Variants in IFITM3 observed in about 807,000 individuals in gnomAD.
IFITM3 encodes interferon-induced transmembrane protein 3.
A neutral mutation model predicts 5.2 loss-of-function variants in IFITM3; 5 were observed. The observed-to-expected ratio is 0.96, with a 90% CI of 0.50 to 2.03. IFITM3 has a LOEUF of 2.03. IFITM3 is among the 30% of genes most tolerant of loss of function. IFITM3 has a pLI of 0.01. For synonymous variants in IFITM3, 81 were observed against 77.6 expected (o/e 1.04, Z -0.23); for missense variants, 156 against 177.3 (o/e 0.88, Z 0.68).
chr11:320,511 G>T, intron 1 of IFITM3, 54 bp downstream of exon 1: 1 of 1,601,586 alleles, frequency 6.2e-7, no homozygotes. Flanking sequence ...ATGTGGGCAG[G>T]TGGAGCTCCA....
chr11:320,620 G>A lies in IFITM3; in HGVS notation c.194C>T (p.Thr65Ile). 6.2e-7 allele frequency: 1 copy of A among 1,613,922 alleles called. No individual in the cohort carries two copies. The highest frequency in any genetic ancestry group is 8.5e-7 in the Non-Finnish European group (1 of 1,179,864). The change falls in exon 1 of 2, where the codon ACC (threonine) becomes ATC (isoleucine). Residue 65 changes from threonine to isoleucine, a missense_variant. By Grantham distance (89) the Thr-to-Ile change is moderately conservative (BLOSUM62 -1). Transcript: ENST00000399808. ...CAGGCAGCAGGGGTTCATGAAGAGG[G>A]TGTTGAACAGGGACCAGACGACATG... is the stretch of plus-strand genomic sequence containing the variant. Reference protein sequence around the residue: ...PDHVVWSLFNTLFMNPCCLGF... With the variant: ...PDHVVWSLFNILFMNPCCLGF...
chr11:319,812 T>C lies in IFITM3; in HGVS notation c.*26A>G. ...GTGGGATACAGGTCATGGGCAGAGCTCCTGGCCTCAGTGATGCCTCCTGAT... is the reference window on the plus strand; with the variant it reads ...GTGGGATACAGGTCATGGGCAGAGCCCCTGGCCTCAGTGATGCCTCCTGAT... On this transcript the variant is annotated 3_prime_UTR_variant, in exon 2 of 2. Transcript: ENST00000399808. The C allele has an allele frequency of 6.2e-7, 1 of 1,613,954 alleles. No homozygotes were observed. The highest frequency in any genetic ancestry group is 8.5e-7 in the Non-Finnish European group (1 of 1,179,900).
At position 319,687 on chromosome 11, in the gene IFITM3, G is replaced by A. The variant is rs754797894; in HGVS notation, c.*151C>T. 21 of 1,031,248 alleles carry A rather than the reference G, an allele frequency of 2.0e-5. No homozygotes were observed. Among genetic ancestry groups the A allele is most frequent in the Non-Finnish European group, 2.8e-5 (19 of 676,366 alleles). The allele number at this position is 1,031,248 out of a possible 1,614,324, so 63.9% of individuals were successfully genotyped here. On this transcript the variant is annotated 3_prime_UTR_variant, in exon 2 of 2. Transcript: ENST00000399808. ...GAAGTCGCAGCAGCACCAGAAACAC[G>A]TGCACTTTATTGAATGCCATTGTAG...
rs2119492836 is a variant in IFITM3 at position 320,700 on chromosome 11, A to G, written c.114T>C (p.Pro38=). 6.2e-7 allele frequency: 1 copy of G among 1,613,834 alleles called. No individual in the cohort carries two copies. The highest frequency in any genetic ancestry group is 8.5e-7 in the Non-Finnish European group (1 of 1,179,852). ...GGATCACGGTGGACGTCGGGGGAGC[A>G]GGGTTGTGGGGCGCCCCCAGCACAG... ...EVAVLGAPHN[P]APPTSTVIHI... The change falls in exon 1 of 2, where the codon CCT becomes CCC. Residue 38 remains proline (P), a synonymous_variant. Transcript: ENST00000399808.
At position 320,574 on chromosome 11, in the gene IFITM3, G is replaced by A. The variant is rs1846089203; in HGVS notation, c.240C>T (p.Tyr80=). The A allele has an allele frequency of 6.2e-7, 1 of 1,613,774 alleles. No individual in the cohort carries two copies. Among genetic ancestry groups the A allele is most frequent in the African/African-American group, 1.3e-5 (1 of 74,932 alleles). ...PCCLGFIAFA[Y]SVKSRDRKMV... ...CTGGGGCCATACGCACCTTCACGGA[G>A]TAGGCGAATGCTATGAAGCCCAGGC... Residue 80 remains tyrosine, a synonymous_variant, in exon 1 of 2, where the codon TAC becomes TAT. Coordinates refer to ENST00000399808, the MANE Select transcript of IFITM3 (RefSeq NM_021034.3).
chr11:319,787 G>A lies in IFITM3; in HGVS notation c.*51C>T, dbSNP rs781601561. The A allele has an allele frequency of 1.1e-5, 17 of 1,612,280 alleles. No individual in the cohort carries two copies. Among genetic ancestry groups the A allele is most frequent in the Middle Eastern group, 1.6e-4 (1 of 6,082 alleles). On this transcript the variant is annotated 3_prime_UTR_variant, in exon 2 of 2. Coordinates refer to ENST00000399808, the MANE Select transcript of IFITM3 (RefSeq NM_021034.3). ...GGGCGAGGAATGGAAGTTGGAGTAC[G>A]TGGGATACAGGTCATGGGCAGAGCT... is the stretch of plus-strand genomic sequence containing the variant.
Position 319,847 on chromosome 11 carries a change from G to T in IFITM3, c.393C>A (p.Ala131=). The part of the protein sequence containing the change: ...LIVIPVLIFQ[A]YG ...AGTGATGCCTCCTGATCTATCCATAGGCCTGGAAGATCAGCACTGGGATGA... is the reference window on the plus strand; with the variant it reads ...AGTGATGCCTCCTGATCTATCCATATGCCTGGAAGATCAGCACTGGGATGA... The change falls in exon 2 of 2, where the codon GCC becomes GCA. Residue 131 remains alanine (A), a synonymous_variant. Coordinates refer to ENST00000399808, the MANE Select transcript of IFITM3 (RefSeq NM_021034.3). 6.2e-7 allele frequency: 1 copy of T among 1,614,190 alleles called. No individual in the cohort carries two copies. Among genetic ancestry groups the T allele is most frequent in the Non-Finnish European group, 8.5e-7 (1 of 1,180,020 alleles).
chr11:319,800 C>A lies in IFITM3; in HGVS notation c.*38G>T, dbSNP rs1846079209. The A allele has an allele frequency of 6.2e-7, 1 of 1,613,846 alleles. No homozygotes were observed. Among genetic ancestry groups the A allele is most frequent in the African/African-American group, 1.3e-5 (1 of 74,934 alleles). Reference sequence around the variant, plus strand: ...AAGTTGGAGTACGTGGGATACAGGTCATGGGCAGAGCTCCTGGCCTCAGTG... The same window carrying A: ...AAGTTGGAGTACGTGGGATACAGGTAATGGGCAGAGCTCCTGGCCTCAGTG... On this transcript the variant is annotated 3_prime_UTR_variant, in exon 2 of 2. Transcript: ENST00000399808.
Position 319,725 on chromosome 11 carries a change from G to T in IFITM3, c.*113C>A. On this transcript the variant is annotated 3_prime_UTR_variant, in exon 2 of 2. Coordinates refer to ENST00000399808, the MANE Select transcript of IFITM3 (RefSeq NM_021034.3). ...AATGCCATTGTAGAAAAGCGTGTGAGGATAAAGGGCTGATACAGGACTCGG... is the reference window on the plus strand; with the variant it reads ...AATGCCATTGTAGAAAAGCGTGTGATGATAAAGGGCTGATACAGGACTCGG... 1 of 1,343,274 alleles carries T rather than the reference G, an allele frequency of 7.4e-7. No homozygotes were observed. Among genetic ancestry groups the T allele is most frequent in the Non-Finnish European group, 1.1e-6 (1 of 940,528 alleles). The allele number at this position is 1,343,274 out of a possible 1,614,324, so 83.2% of individuals were successfully genotyped here.
Position 319,719 on chromosome 11 carries a change from G to C in IFITM3, c.*119C>G. 1 of 1,273,898 alleles carries C rather than the reference G, an allele frequency of 7.8e-7. No individual in the cohort carries two copies. Among genetic ancestry groups the C allele is most frequent in the Non-Finnish European group, 1.1e-6 (1 of 879,584 alleles). 78.9% of individuals were successfully genotyped at this position (1,273,898 alleles called of 1,614,324 possible). A position where few individuals can be genotyped will look rare whatever the true frequency, so the allele number is the denominator to read the frequency against. On this transcript the variant is annotated 3_prime_UTR_variant, in exon 2 of 2. Transcript: ENST00000399808. The stretch of plus-strand genomic sequence containing the variant: ...TTATTGAATGCCATTGTAGAAAAGC[G>C]TGTGAGGATAAAGGGCTGATACAGG...
In IFITM3 at chr11:320,628, C is replaced by T. The variant is rs778291493; in HGVS notation, c.186G>A (p.Leu62=). The change falls in exon 1 of 2, where the codon CTG becomes CTA. Residue 62 remains leucine, a synonymous_variant. Coordinates refer to ENST00000399808, the MANE Select transcript of IFITM3 (RefSeq NM_021034.3). ...AGGGGTTCATGAAGAGGGTGTTGAA[C>T]AGGGACCAGACGACATGGTCGGGCA... is the stretch of plus-strand genomic sequence containing the variant. ...TSVPDHVVWS[L]FNTLFMNPCC... 1.9e-5 allele frequency: 30 copies of T among 1,613,740 alleles called. No homozygotes were observed. In the African/African-American group the frequency reaches 3.2e-4, roughly 17 times the overall value.
chr11:320,092 C>T, intron 1 of IFITM3, 102 bp from the exon 2 acceptor site: 5 of 1,522,474 alleles, frequency 3.3e-6, no homozygotes, highest in Non-Finnish European at 3.6e-6. Context: ...AGATCAGGGA[C>T]CACCTCCTCC....
chr11:320,841 G>T lies in IFITM3; in HGVS notation c.-28C>A. ...TGTCCAGCGAAGACCAGCGGCGGTC[G>T]GGTTACTGGGATGGTTCTCAGTGAG... On this transcript the variant is annotated 5_prime_UTR_variant, in exon 1 of 2. Coordinates refer to ENST00000399808, the MANE Select transcript of IFITM3 (RefSeq NM_021034.3). The T allele has an allele frequency of 2.5e-6, 4 of 1,586,308 alleles. No homozygotes were observed. The highest frequency in any genetic ancestry group is 3.4e-6 in the Non-Finnish European group (4 of 1,160,568).
Position 320,699 on chromosome 11 carries a change from C to T in IFITM3, c.115G>A (p.Ala39Thr), listed in dbSNP as rs2119492825. Residue 39 changes from alanine to threonine, a missense_variant, in exon 1 of 2, where the codon GCT (alanine) becomes ACT (threonine). Physicochemically the swap from Ala to Thr is moderately conservative, Grantham distance 58. Coordinates refer to ENST00000399808, the MANE Select transcript of IFITM3 (RefSeq NM_021034.3). ...VAVLGAPHNP[A>T]PPTSTVIHIR... ...TGGATCACGGTGGACGTCGGGGGAG[C>T]AGGGTTGTGGGGCGCCCCCAGCACA... The T allele has an allele frequency of 1.9e-6, 3 of 1,613,528 alleles. No homozygotes were observed. Among genetic ancestry groups the T allele is most frequent in the Non-Finnish European group, 2.5e-6 (3 of 1,179,774 alleles).
chr11:320,615 A>G lies in IFITM3; in HGVS notation c.199T>C (p.Phe67Leu). 6.2e-7 allele frequency: 1 copy of G among 1,613,772 alleles called. No homozygotes were observed. The highest frequency in any genetic ancestry group is 8.5e-7 in the Non-Finnish European group (1 of 1,179,826). Residue 67 changes from phenylalanine (F) to leucine (L), a missense_variant, in exon 1 of 2, where the codon TTC (phenylalanine) becomes CTC (leucine). Phe to Leu is a conservative substitution (Grantham distance 22, BLOSUM62 0). Transcript: ENST00000399808. ...AAGCCCAGGCAGCAGGGGTTCATGA[A>G]GAGGGTGTTGAACAGGGACCAGACG... Reference protein sequence around the residue: ...HVVWSLFNTLFMNPCCLGFIA... With the variant: ...HVVWSLFNTLLMNPCCLGFIA...
Position 319,821 on chromosome 11 carries a change from C to T in IFITM3, c.*17G>A. ...AGGTCATGGGCAGAGCTCCTGGCCTCAGTGATGCCTCCTGATCTATCCATA... is the reference window on the plus strand; with the variant it reads ...AGGTCATGGGCAGAGCTCCTGGCCTTAGTGATGCCTCCTGATCTATCCATA... On this transcript the variant is annotated 3_prime_UTR_variant, in exon 2 of 2. Coordinates refer to ENST00000399808, the MANE Select transcript of IFITM3 (RefSeq NM_021034.3). The T allele has an allele frequency of 6.2e-7, 1 of 1,614,140 alleles. No homozygotes were observed. The highest frequency in any genetic ancestry group is 8.5e-7 in the Non-Finnish European group (1 of 1,180,026).
chr11:319,865 T>C lies in IFITM3; in HGVS notation c.375A>G (p.Pro125=), dbSNP rs974008661. The C allele has an allele frequency of 4.3e-6, 7 of 1,614,146 alleles. No individual in the cohort carries two copies. Among genetic ancestry groups the C allele is most frequent in the Non-Finnish European group, 5.9e-6 (7 of 1,180,012 alleles). ...ILMTILLIVI[P]VLIFQAYG ...ATCCATAGGCCTGGAAGATCAGCAC[T>C]GGGATGACGATGAGCAGAATGGTCA... is the stretch of plus-strand genomic sequence containing the variant. Residue 125 remains proline (P), a synonymous_variant, in exon 2 of 2, where the codon CCA becomes CCG. Transcript: ENST00000399808.
Sources: gnomAD v4.1 joint callset for allele counts on GRCh38, gnomAD v4.1.1 for gene constraint, MANE v1.5 for transcripts, NCBI Gene and HGNC (gene_info 2026-07-23, HGNC 2026-07-21) for gene names.